The following SMYD3 variants were observed in gnomAD, a reference collection of about 807,000 sequenced individuals.
The protein encoded by SMYD3 is SET and MYND domain containing 3.
In SMYD3, 36 loss-of-function variants were observed where a neutral mutation model predicts 57.7. The observed-to-expected ratio is 0.62, with a 90% CI of 0.48 to 0.82. The LOEUF is 0.82. Among genes scored for constraint, SMYD3 ranks in the 40% least tolerant of loss-of-function variants. SMYD3 has a pLI of 0.00. For missense variants in SMYD3, 515 were observed against 538.8 expected (o/e 0.96, Z 0.44); for synonymous variants, 211 against 195.0 (o/e 1.08, Z -0.68).
chr1:246,192,078 C>T (rs2062747324), intron 5 of SMYD3, among the ~76,000 whole-genome samples: 1 of 152,100 alleles, frequency 6.6e-6, no homozygotes, highest in African/African-American at 2.4e-5. Flanking sequence ...ACAGAAGAGG[C>T]TATGTGTGGC....
At chr1:246,079,223 T>C (rs1011822157) in intron 5 of SMYD3, among the ~76,000 whole-genome samples, 12 of 152,126 alleles carry the variant, frequency 7.9e-5, no homozygotes, top group Admixed American at 7.2e-4. Context: ...GAATCCTTCA[T>C]CCCAATGAAG....
chr1:246,343,782 T>C (rs2065667431), intron 2 of SMYD3, among the ~76,000 whole-genome samples: 1 of 152,180 alleles, frequency 6.6e-6, no homozygotes, highest in Non-Finnish European at 1.5e-5. Flanking sequence ...CTTCCTGCCC[T>C]GACTCTTACC....
intron 7 of SMYD3, among the ~76,000 whole-genome samples, chr1:245,922,815 TCATTTCCCAGTTTAAACCTTA>T (rs2056075210): frequency 6.6e-6 from 1 of 152,276 alleles, no homozygotes; most frequent in East Asian, 1.9e-4. Context: ...ACTGAACAAA[TCATTTCCCAGTTTAAACCTTA>T]CATTTTCTTC....
chr1:246,183,286 C>G (rs148873807), intron 5 of SMYD3, among the ~76,000 whole-genome samples: 3 of 152,058 alleles, frequency 2.0e-5, no homozygotes, highest in Non-Finnish European at 2.9e-5. Flanking sequence ...TGAGGAATAA[C>G]GAGAAACTAC....
intron 5 of SMYD3, among the ~76,000 whole-genome samples, chr1:246,325,398 C>G (rs2065333072): frequency 6.6e-6 from 1 of 151,998 alleles, no homozygotes; most frequent in African/African-American, 2.4e-5. Flanking sequence ...AGTACAGAAG[C>G]CATAGGTTAT....
At chr1:245,777,594 A>G (rs1654671661) in intron 10 of SMYD3, among the ~76,000 whole-genome samples, 1 of 152,146 alleles carries the variant, frequency 6.6e-6, no homozygotes, top group Non-Finnish European at 1.5e-5. Flanking sequence ...GAACCTCATC[A>G]AAAGTAAAAA....
chr1:246,167,622 T>G (rs1402701364), intron 5 of SMYD3, among the ~76,000 whole-genome samples: 1 of 151,610 alleles, frequency 6.6e-6, no homozygotes, highest in Non-Finnish European at 1.5e-5. Context: ...GCGATTCTCC[T>G]GCCTCGACCT....
At chr1:245,754,923 A>G (rs569440318) in intron 11 of SMYD3, among the ~76,000 whole-genome samples, 1 of 152,342 alleles carries the variant, frequency 6.6e-6, no homozygotes, top group African/African-American at 2.4e-5. Flanking sequence ...GGAAGGAGGA[A>G]CCAGGTGGCC....
At chr1:245,966,488 C>T (rs191938784) in intron 5 of SMYD3, among the ~76,000 whole-genome samples, 7 of 152,250 alleles carry the variant, frequency 4.6e-5, no homozygotes, top group Admixed American at 6.5e-5. Flanking sequence ...TATTTTCTAG[C>T]ATAACATGGT....
intron 5 of SMYD3, among the ~76,000 whole-genome samples, chr1:246,158,671 C>T (rs938094301): frequency 6.6e-6 from 1 of 152,096 alleles, no homozygotes; most frequent in East Asian, 1.9e-4. Flanking sequence ...TATATTTACA[C>T]ATAAATATAC....
chr1:245,936,363 A>ATT (rs34105057), intron 5 of SMYD3, among the ~76,000 whole-genome samples: 94,202 of 148,954 alleles, frequency 0.63, 34,542 homozygotes, highest in Non-Finnish European at 0.82. Context: ...ACGTAATCTT[A>ATT]TTTTTTTTTT....
chr1:246,219,846 G>A (rs1252813213), intron 5 of SMYD3, among the ~76,000 whole-genome samples: 1 of 152,076 alleles, frequency 6.6e-6, no homozygotes, highest in Non-Finnish European at 1.5e-5. Context: ...CTTTCATGAG[G>A]GGTGGAACGC....
chr1:245,952,272 A>G (rs1572775414), intron 5 of SMYD3, among the ~76,000 whole-genome samples: 1 of 152,202 alleles, frequency 6.6e-6, no homozygotes, highest in East Asian at 1.9e-4. Flanking sequence ...AAACGTAAGG[A>G]TCACTTTGGG....
At chr1:246,006,466 T>C (rs143537864) in intron 5 of SMYD3, among the ~76,000 whole-genome samples, 11 of 152,218 alleles carry the variant, frequency 7.2e-5, no homozygotes, top group African/African-American at 2.6e-4. Context: ...TGGGTGATAA[T>C]GTGAGAAGCC....
chr1:246,149,061 C>T (rs1308116642), intron 5 of SMYD3, among the ~76,000 whole-genome samples: 1 of 152,116 alleles, frequency 6.6e-6, no homozygotes, highest in African/African-American at 2.4e-5. Flanking sequence ...AATCATTTCT[C>T]GAAAGAAAAT....
At chr1:246,303,500 A>T in intron 5 of SMYD3, among the ~76,000 whole-genome samples, 1 of 152,148 alleles carries the variant, frequency 6.6e-6, no homozygotes, top group East Asian at 1.9e-4. Flanking sequence ...ATAATACCTA[A>T]TATAATGTAA....
chr1:245,765,477 G>A (rs756348712), intron 10 of SMYD3, among the ~76,000 whole-genome samples: 4 of 152,136 alleles, frequency 2.6e-5, no homozygotes, highest in Non-Finnish European at 4.4e-5. Flanking sequence ...AATGTTACAG[G>A]ACGGAGCATG....
Position 246,481,607 on chromosome 1 carries a change from T to TATATATATATATATATAC in SMYD3, c.164+25446_164+25447insGTATATATATATATATAT, listed in dbSNP as rs1156393004. 1.0e-3 allele frequency among the ~76,000 whole-genome samples: 64 copies of TATATATATATATATATAC among 61,694 alleles called. 4 individuals carry two copies. The highest frequency in any genetic ancestry group is 2.9e-3 in the East Asian group (2 of 684). The allele number at this position is 61,694 out of a possible 152,430, so 40.5% of individuals were successfully genotyped here. A position where few individuals can be genotyped will look rare whatever the true frequency, so the allele number is the denominator to read the frequency against. ...TTCTCAGGCTCCATATATATATATA[T>TATATATATATATATATAC]ACACATACATATATACATACATACA... On this transcript the variant is annotated intron_variant, in intron 1 of 11. Transcript: ENST00000490107.
chr1:246,375,978 C>G (rs1028346294), intron 1 of SMYD3, among the ~76,000 whole-genome samples: 2 of 146,820 alleles, frequency 1.4e-5, no homozygotes, highest in Non-Finnish European at 3.0e-5. Context: ...GGTCCACCAG[C>G]CTCAGCCTCC....
Sources: allele counts gnomAD v4.1 joint callset (sites outside exome capture counted in the v4.1 genomes callset), GRCh38; gene constraint gnomAD v4.1.1; transcripts MANE v1.5; gene names NCBI Gene and HGNC (gene_info 2026-07-23, HGNC 2026-07-21).